Variants in VMP1 observed in about 807,000 individuals in gnomAD.
The protein encoded by VMP1 is ectopic P-granules autophagy protein 3 homolog.
VMP1 carries 11 observed loss-of-function variants against 56.0 expected under a neutral mutation model. The ratio of observed to expected loss-of-function variants is 0.20; its 90% CI spans 0.12 to 0.32. VMP1 has a LOEUF of 0.32. Ranked by LOEUF, VMP1 falls within the 10% of genes least tolerant of loss-of-function variation. The pLI, the probability that VMP1 is intolerant of heterozygous loss-of-function variation, is 1.00. For missense variants in VMP1, 296 were observed against 490.3 expected (o/e 0.60, Z 3.74); for synonymous variants, 149 against 165.0 (o/e 0.90, Z 0.74).
At chr17:59,800,396 G>C (rs1266348605) in intron 7 of VMP1, among the ~76,000 whole-genome samples, 1 of 152,090 alleles carries the variant, frequency 6.6e-6, no homozygotes, top group East Asian at 1.9e-4. Flanking sequence ...TTCATTGCTT[G>C]GCGTGCATAT....
intron 1 of VMP1, among the ~76,000 whole-genome samples, chr17:59,723,664 G>A (rs1194304731): frequency 1.3e-5 from 2 of 152,166 alleles, no homozygotes; most frequent in African/African-American, 4.8e-5. Flanking sequence ...AATGAAAAAT[G>A]GGAAATACTG....
intron 6 of VMP1, among the ~76,000 whole-genome samples, chr17:59,772,637 C>T (rs2036468320): frequency 6.6e-6 from 1 of 151,644 alleles, no homozygotes; most frequent in African/African-American, 2.4e-5. Context: ...GACGTGGTGG[C>T]ACACACCTGT....
At chr17:59,821,016 G>T (rs1940816281) in intron 10 of VMP1, among the ~76,000 whole-genome samples, 1 of 150,388 alleles carries the variant, frequency 6.6e-6, no homozygotes, top group South Asian at 2.1e-4. Flanking sequence ...TGTCGCCCAG[G>T]CTGGAGTGCA....
intron 5 of VMP1, among the ~76,000 whole-genome samples, chr17:59,741,712 C>G (rs2035233346): frequency 6.6e-6 from 1 of 152,000 alleles, no homozygotes; most frequent in Admixed American, 6.6e-5. Context: ...TATTCTTTAT[C>G]TCATGTAGTT....
chr17:59,716,629 C>T (rs2034163071), intron 1 of VMP1, among the ~76,000 whole-genome samples: 1 of 152,186 alleles, frequency 6.6e-6, no homozygotes, highest in South Asian at 2.1e-4. Context: ...TTGGAGCACT[C>T]AGTTTCTCAT....
chr17:59,711,309 A>G (rs1453900303), intron 1 of VMP1, among the ~76,000 whole-genome samples: 1 of 151,886 alleles, frequency 6.6e-6, no homozygotes, highest in Non-Finnish European at 1.5e-5. Context: ...TGATTTAACA[A>G]ACTTTTTAGT....
intron 1 of VMP1, among the ~76,000 whole-genome samples, chr17:59,714,414 G>C (rs889512835): frequency 3.3e-5 from 5 of 152,072 alleles, no homozygotes; most frequent in African/African-American, 1.2e-4. Flanking sequence ...TAAAGGCCTT[G>C]TCTCACTCTA....
At chr17:59,785,987 A>G (rs1469884585) in intron 7 of VMP1, among the ~76,000 whole-genome samples, 2 of 152,144 alleles carry the variant, frequency 1.3e-5, no homozygotes, top group African/African-American at 4.8e-5. Context: ...TTACCTTACT[A>G]ATTTCTATTA....
intron 8 of VMP1, among the ~76,000 whole-genome samples, chr17:59,811,007 A>C (rs1465066942): frequency 6.6e-6 from 1 of 152,234 alleles, no homozygotes; most frequent in Non-Finnish European, 1.5e-5. Context: ...CTGAGTATTC[A>C]AAACATCTGA....
At chr17:59,724,226 AG>A (rs375065179) in intron 1 of VMP1, among the ~76,000 whole-genome samples, 20 of 117,244 alleles carry the variant, frequency 1.7e-4, no homozygotes, top group African/African-American at 3.9e-4. Context: ...AAAAAAAAAA[AG>A]AAAGAAAAGA....
chr17:59,710,916 C>CA (rs978725105), intron 1 of VMP1, among the ~76,000 whole-genome samples: 1 of 151,842 alleles, frequency 6.6e-6, no homozygotes, highest in Non-Finnish European at 1.5e-5. Context: ...ACAAAAAATA[C>CA]AAAAAAATTA....
chr17:59,829,069 T>C (rs2038732372), intron 10 of VMP1, among the ~76,000 whole-genome samples: 1 of 152,110 alleles, frequency 6.6e-6, no homozygotes, highest in African/African-American at 2.4e-5. Flanking sequence ...TGAGCCGAGA[T>C]TGCGCCACTG....
rs139598328 is a variant in VMP1, at chr17:59,839,804, G to A, written c.1114G>A (p.Val372Ile). The A allele has an allele frequency of 1.3e-5, 21 of 1,612,882 alleles. No individual in the cohort carries two copies. The African/African-American group carries it at 2.5e-4, about 19-fold the overall frequency. ...NWLSWMFEKL[V>I]VVMVCYFILS... ...GTTGTCCTGGATGTTTGAAAAGTTGGTCGTTGTCATGGTGTGTTACTTCAT... is the reference window on the plus strand; with the variant it reads ...GTTGTCCTGGATGTTTGAAAAGTTGATCGTTGTCATGGTGTGTTACTTCAT... The change falls in exon 12 of 12, where the codon GTC becomes ATC. Residue 372 changes from valine (V) to isoleucine (I), a missense_variant. Physicochemically the swap from Val to Ile is conservative, Grantham distance 29 (BLOSUM62 3). This residue lies in a region of VMP1 where 95 missense variants were observed against 137.6 expected (regional missense o/e 0.69). Transcript: ENST00000262291.
chr17:59,777,075 T>C (rs1307832949), intron 7 of VMP1, among the ~76,000 whole-genome samples: 2 of 152,020 alleles, frequency 1.3e-5, no homozygotes, highest in Non-Finnish European at 2.9e-5. Flanking sequence ...ATCAATTCCA[T>C]TTTTTTTCAT....
intron 6 of VMP1, 131 bp downstream of exon 6, chr17:59,765,269 C>T: frequency 9.2e-7 from 1 of 1,082,004 alleles, no homozygotes; most frequent in Non-Finnish European, 1.3e-6. Context: ...CTACCTACTT[C>T]CAAGGCAAAA....
intron 7 of VMP1, among the ~76,000 whole-genome samples, chr17:59,781,194 T>G (rs2036810593): frequency 6.6e-6 from 1 of 152,198 alleles, no homozygotes; most frequent in African/African-American, 2.4e-5. Flanking sequence ...AAAGAGAAGA[T>G]TTTTAATGCT....
intron 7 of VMP1, among the ~76,000 whole-genome samples, chr17:59,779,334 A>G (rs1300652439): frequency 3.3e-5 from 5 of 152,178 alleles, no homozygotes; most frequent in Non-Finnish European, 2.9e-5. Flanking sequence ...TCTAGAGACT[A>G]TGTCTCCCAC....
intron 8 of VMP1, among the ~76,000 whole-genome samples, chr17:59,809,484 ATTTTTTTTTTTT>A (rs71145575): frequency 2.7e-4 from 14 of 52,718 alleles, no homozygotes; most frequent in African/African-American, 7.1e-4. Context: ...CACCCAGCTA[ATTTTTTTTTTTT>A]TTTTTTTTTT....
rs185893143 is a variant in VMP1, at chr17:59,834,523, G to A, written c.975-3772G>A. 5.3e-5 allele frequency among the ~76,000 whole-genome samples: 8 copies of A among 151,970 alleles called. No homozygotes were observed. The South Asian group carries it at 6.2e-4, about 12-fold the overall frequency. On this transcript the variant is annotated intron_variant, in intron 10 of 11. Coordinates refer to ENST00000262291, the MANE Select transcript of VMP1 (RefSeq NM_030938.5). ...TGCCCAGGCTGGAGTGGAGTGGTGCGATCTAGGCTCACTGCAACCACCATC... is the reference window on the plus strand; with the variant it reads ...TGCCCAGGCTGGAGTGGAGTGGTGCAATCTAGGCTCACTGCAACCACCATC...
Sources: allele counts gnomAD v4.1 joint callset (sites outside exome capture counted in the v4.1 genomes callset), GRCh38; gene constraint gnomAD v4.1.1; regional missense constraint gnomAD v4.1.1; transcripts MANE v1.5; gene names NCBI Gene and HGNC (gene_info 2026-07-23, HGNC 2026-07-21).